The following ICE1 variants were observed in gnomAD, a reference collection of about 807,000 sequenced individuals.
The protein encoded by ICE1 is interactor of little elongation complex ELL subunit 1.
A neutral mutation model predicts 192.7 loss-of-function variants in ICE1; 64 were observed. The observed-to-expected ratio is 0.33, with a 90% CI of 0.27 to 0.41. The LOEUF is 0.41. Among genes scored for constraint, ICE1 ranks in the 10% least tolerant of loss-of-function variants. The pLI is 1.00. For missense variants in ICE1, 2,708 were observed against 2,696.0 expected, an observed-to-expected ratio of 1.00 and a Z score of -0.10; for synonymous variants, 1,010 against 984.5, an observed-to-expected ratio of 1.03 and a Z score of -0.49.
chr5:5,481,845 A>C (rs749404936), intron 17 of ICE1, among the ~76,000 whole-genome samples: 1 of 152,192 alleles, frequency 6.6e-6, no homozygotes, highest in Admixed American at 6.5e-5. Context: ...CATGCTGTAC[A>C]GATTTGTAGC....
chr5:5,454,288 A>C (rs924662465), intron 10 of ICE1, among the ~76,000 whole-genome samples: 2 of 152,168 alleles, frequency 1.3e-5, no homozygotes, highest in East Asian at 1.9e-4. Context: ...GCAAGTACAC[A>C]TGGTCTTTTG....
At position 5,482,775 on chromosome 5, in the gene ICE1, A is replaced by AACACACACACACAC. The variant is rs70965943; in HGVS notation, c.6521-3923_6521-3910dup. On this transcript the variant is annotated intron_variant, in intron 17 of 18. Coordinates refer to ENST00000296564, the MANE Select transcript of ICE1 (RefSeq NM_015325.3). Reference sequence around the variant, plus strand: ...GGTGACATTAACACCCCCACCCCCCAACACACACACACACACACACACACA... The same window carrying AACACACACACACAC: ...GGTGACATTAACACCCCCACCCCCCAACACACACACACACACACACACACACACACACACACACA... Among the ~76,000 whole-genome samples, 170 of 136,076 alleles carry AACACACACACACAC rather than the reference A, an allele frequency of 1.2e-3. 3 individuals are homozygous for AACACACACACACAC. The highest frequency in any genetic ancestry group is 0.012 in the Admixed American group (167 of 13,402). 89.3% of individuals were successfully genotyped at this position (136,076 alleles called of 152,430 possible).
chr5:5,454,991 T>G (rs1738543659), intron 11 of ICE1, among the ~76,000 whole-genome samples: 1 of 152,202 alleles, frequency 6.6e-6, no homozygotes, highest in Non-Finnish European at 1.5e-5. Flanking sequence ...TTTAGTGTAA[T>G]TTATCAGTTC....
In ICE1 at chr5:5,460,426, A is replaced by G. The variant is rs770990122; in HGVS notation, c.1102-10A>G. The G allele has an allele frequency of 8.7e-6, 13 of 1,485,714 alleles. No individual in the cohort carries two copies. The highest frequency in any genetic ancestry group is 7.3e-6 in the Non-Finnish European group (8 of 1,099,040). 92.0% of individuals were successfully genotyped at this position (1,485,714 alleles called of 1,614,324 possible). A position where few individuals can be genotyped will look rare whatever the true frequency, so the allele number is the denominator to read the frequency against. On this transcript the variant is annotated splice_polypyrimidine_tract_variant and intron_variant, in intron 12 of 18. Coordinates refer to ENST00000296564, the MANE Select transcript of ICE1 (RefSeq NM_015325.3). ...TTAGTGTTTGACAAGTGTAATTCAT[A>G]TTTTTTAAGGAAACCTACTTTGGAG... is the stretch of plus-strand genomic sequence containing the variant.
intron 7 of ICE1, among the ~76,000 whole-genome samples, chr5:5,447,194 T>A (rs1022432516): frequency 2.6e-5 from 4 of 152,182 alleles, no homozygotes; most frequent in African/African-American, 9.7e-5. Flanking sequence ...TTGGAAAGAA[T>A]TCTTAAGGCC....
rs578196925 is a variant in ICE1, at chr5:5,429,329, G to A, written c.84+6330G>A. On this transcript the variant is annotated intron_variant, in intron 1 of 18. Coordinates refer to ENST00000296564, the MANE Select transcript of ICE1 (RefSeq NM_015325.3). ...CATTTTCATCAGTTTGGGGAATGAT[G>A]GGAAGGAACTCTCCAGAAATCCGAG... 5.3e-5 allele frequency among the ~76,000 whole-genome samples: 8 copies of A among 152,260 alleles called. No homozygotes were observed. The South Asian group carries it at 8.3e-4, about 16-fold the overall frequency.
intron 7 of ICE1, among the ~76,000 whole-genome samples, chr5:5,446,471 T>C (rs888698149): frequency 7.2e-5 from 11 of 151,858 alleles, no homozygotes; most frequent in African/African-American, 2.7e-4. Flanking sequence ...GACTAATTTT[T>C]GTAGAGACAG....
rs1190219826 is a variant in ICE1 at position 5,463,617 on chromosome 5, G to T, written c.4283G>T (p.Ser1428Ile). Reference sequence around the variant, plus strand: ...AAGGGGGACAACTGGACAATCATCAGTGGTGTAGCTGTCTTGCCACATGTG... The same window carrying T: ...AAGGGGGACAACTGGACAATCATCATTGGTGTAGCTGTCTTGCCACATGTG... ...IEKGDNWTII[S>I]GVAVLPHVDQ... Residue 1428 changes from serine to isoleucine, a missense_variant, in exon 13 of 19, where the codon AGT becomes ATT. Physicochemically the swap from Ser to Ile is moderately radical, Grantham distance 142. Transcript: ENST00000296564. 1.2e-6 allele frequency: 2 copies of T among 1,613,996 alleles called. No homozygotes were observed. Among genetic ancestry groups the T allele is most frequent in the Admixed American group, 3.3e-5 (2 of 60,026 alleles).
chr5:5,435,685 T>G (rs1280904333), intron 1 of ICE1, among the ~76,000 whole-genome samples: 4 of 108,778 alleles, frequency 3.7e-5, no homozygotes, highest in African/African-American at 1.6e-4. Context: ...TTTGTTTTTG[T>G]TTTTTTTTTC....
chr5:5,459,411 A>C (rs1321133788), intron 12 of ICE1, among the ~76,000 whole-genome samples: 1 of 152,186 alleles, frequency 6.6e-6, no homozygotes, highest in Non-Finnish European at 1.5e-5. Context: ...TACACAGGTG[A>C]GATACTGGAG....
In ICE1 at chr5:5,457,620, A is replaced by G; in HGVS notation, c.980A>G (p.Asp327Gly). 6.2e-7 allele frequency: 1 copy of G among 1,613,878 alleles called. No homozygotes were observed. The change falls in exon 12 of 19, where the codon GAT (aspartate) becomes GGT (glycine). Residue 327 changes from aspartate to glycine, a missense_variant. This residue lies in a region of ICE1 where 2,366 missense variants were observed against 2,276.6 expected (regional missense o/e 1.04). Coordinates refer to ENST00000296564, the MANE Select transcript of ICE1 (RefSeq NM_015325.3). ...TEFVDHDHFFDEDLQAAIDFF... is the reference protein window; with the variant it reads ...TEFVDHDHFFGEDLQAAIDFF... The stretch of plus-strand genomic sequence containing the variant: ...TTTGTTGATCATGATCATTTTTTTG[A>G]TGAAGATCTTCAAGCTGCAATTGAC...
chr5:5,448,811 A>G (rs533191358), intron 10 of ICE1, among the ~76,000 whole-genome samples: 1 of 152,254 alleles, frequency 6.6e-6, no homozygotes, highest in East Asian at 1.9e-4. Flanking sequence ...AGGCTTTAAC[A>G]GTTCCCACCT....
chr5:5,435,830 T>A (rs1220816110), intron 1 of ICE1, among the ~76,000 whole-genome samples: 2 of 151,944 alleles, frequency 1.3e-5, no homozygotes, highest in Non-Finnish European at 2.9e-5. Context: ...CCAACACACC[T>A]GGCTAAATTT....
At chr5:5,434,016 C>A (rs1737799537) in intron 1 of ICE1, among the ~76,000 whole-genome samples, 1 of 151,654 alleles carries the variant, frequency 6.6e-6, no homozygotes, top group East Asian at 1.9e-4. Flanking sequence ...TGTTCAATTA[C>A]TTTTATCCCC....
intron 2 of ICE1, among the ~76,000 whole-genome samples, chr5:5,436,855 A>G (rs1031147780): frequency 6.6e-6 from 1 of 152,166 alleles, no homozygotes; most frequent in African/African-American, 2.4e-5. Flanking sequence ...TCATGAATGT[A>G]TGAGCCAAGA....
chr5:5,449,264 G>C (rs1478689125), intron 10 of ICE1, among the ~76,000 whole-genome samples: 3 of 152,066 alleles, frequency 2.0e-5, no homozygotes, highest in Non-Finnish European at 4.4e-5. Flanking sequence ...CTGGGAATCT[G>C]CTGGTTATTT....
At chr5:5,440,217 C>T (rs1020846163) in intron 4 of ICE1, among the ~76,000 whole-genome samples, 2 of 152,204 alleles carry the variant, frequency 1.3e-5, no homozygotes, top group Admixed American at 1.3e-4. Flanking sequence ...CTGTTGTTTA[C>T]ATGGTTCACA....
intron 10 of ICE1, among the ~76,000 whole-genome samples, chr5:5,449,467 A>G (rs1025667838): frequency 5.9e-5 from 9 of 152,142 alleles, no homozygotes; most frequent in Non-Finnish European, 1.0e-4. Context: ...ACCGGAAAAA[A>G]AAAAAACAAA....
chr5:5,433,317 G>C (rs1386491953), intron 1 of ICE1, among the ~76,000 whole-genome samples: 1 of 152,132 alleles, frequency 6.6e-6, no homozygotes, highest in East Asian at 1.9e-4. Context: ...ATGCTTATGA[G>C]AAAGTTTGCA....
Sources: allele counts gnomAD v4.1 joint callset (sites outside exome capture counted in the v4.1 genomes callset), GRCh38; gene constraint gnomAD v4.1.1; regional missense constraint gnomAD v4.1.1; transcripts MANE v1.5; gene names NCBI Gene and HGNC (gene_info 2026-07-23, HGNC 2026-07-21).